Variants in TTLL5 observed in about 807,000 individuals in gnomAD.
TTLL5 encodes the protein tubulin polyglutamylase TTLL5.
Under a neutral mutation model 168.4 loss-of-function variants are expected in TTLL5, and 132 were observed. The observed-to-expected ratio is 0.78, with a 90% CI of 0.68 to 0.91. The LOEUF (loss-of-function observed/expected upper bound fraction) is 0.91, where lower values mean the gene tolerates loss of function less well. Among genes scored for constraint, TTLL5 ranks in the 40% least tolerant of loss-of-function variants. The pLI is 0.00. For synonymous variants in TTLL5, 546 were observed against 558.6 expected (o/e 0.98, Z 0.32); for missense variants, 1,545 against 1,581.5 (o/e 0.98, Z 0.39).
chr14:75,798,079 T>G (rs1479447483), intron 27 of TTLL5, among the ~76,000 whole-genome samples: 1 of 152,124 alleles, frequency 6.6e-6, no homozygotes, highest in Non-Finnish European at 1.5e-5. Flanking sequence ...GGTCCTGGAC[T>G]TCTTTTTATT....
intron 9 of TTLL5, chr14:75,710,130 GTT>G (rs1414947469): frequency 1.3e-5 from 2 of 152,068 alleles, no homozygotes; most frequent in Non-Finnish European, 2.9e-5. Context: ...GTGCTTCACT[GTT>G]TCTCAAGGAC....
chr14:75,667,644 T>C (rs539461063), intron 2 of TTLL5, among the ~76,000 whole-genome samples: 70 of 152,272 alleles, frequency 4.6e-4, no homozygotes, highest in Non-Finnish European at 8.5e-4. Flanking sequence ...TGTTCTTTGC[T>C]TTCTTCACTA....
intron 31 of TTLL5, among the ~76,000 whole-genome samples, chr14:75,933,237 A>G (rs1229712987): frequency 6.6e-6 from 1 of 152,176 alleles, no homozygotes; most frequent in Non-Finnish European, 1.5e-5. Context: ...CGGGAAGATT[A>G]TTTGAGCCCA....
At chr14:75,686,305 T>C (rs1885044013) in intron 5 of TTLL5, among the ~76,000 whole-genome samples, 1 of 152,196 alleles carries the variant, frequency 6.6e-6, no homozygotes, top group African/African-American at 2.4e-5. Context: ...AAGGTGCTAA[T>C]TGCCCCGATT....
intron 31 of TTLL5, among the ~76,000 whole-genome samples, chr14:75,924,053 T>TC (rs1263594886): frequency 1.3e-5 from 2 of 151,648 alleles, no homozygotes; most frequent in African/African-American, 4.8e-5. Flanking sequence ...GCTTTTTTTT[T>TC]TTTTGCTTTC....
chr14:75,772,912 C>A (rs765595437), intron 21 of TTLL5, among the ~76,000 whole-genome samples: 3 of 152,100 alleles, frequency 2.0e-5, no homozygotes, highest in African/African-American at 4.8e-5. Context: ...GGTGATCCAC[C>A]CTCCTTGGCC....
chr14:75,804,902 T>G (rs1417562300), intron 27 of TTLL5, among the ~76,000 whole-genome samples: 6 of 152,202 alleles, frequency 3.9e-5, no homozygotes, highest in African/African-American at 1.4e-4. Context: ...GTCTTGAGGC[T>G]TGAAGCTCTC....
intron 22 of TTLL5, among the ~76,000 whole-genome samples, chr14:75,775,870 G>A (rs565861166): frequency 6.6e-6 from 1 of 152,168 alleles, no homozygotes; most frequent in Non-Finnish European, 1.5e-5. Context: ...CTTATCAAAA[G>A]GCATATTCCT....
chr14:75,707,283 G>T (rs1195384532), intron 8 of TTLL5, among the ~76,000 whole-genome samples, 196 bp downstream of exon 8: 1 of 152,092 alleles, frequency 6.6e-6, no homozygotes, highest in Non-Finnish European at 1.5e-5. Context: ...ATAAGAGAAA[G>T]TGCTTTATAG....
intron 31 of TTLL5, 121 bp downstream of exon 31, chr14:75,902,345 C>A: frequency 9.5e-7 from 1 of 1,047,632 alleles, no homozygotes; most frequent in Non-Finnish European, 1.4e-6. Context: ...TCTAGCCTCT[C>A]AAAACATTGG....
intron 2 of TTLL5, among the ~76,000 whole-genome samples, chr14:75,663,759 C>A (rs1453995898): frequency 6.6e-6 from 1 of 152,068 alleles, no homozygotes; most frequent in Non-Finnish European, 1.5e-5. Context: ...AGTTAAGAGT[C>A]CAATTTCATG....
Position 75,707,659 on chromosome 14 carries a change from C to CT in TTLL5, c.694dup (p.Ser232PhefsTer3). On this transcript the variant is annotated frameshift_variant, in exon 9 of 32. Transcript: ENST00000298832. LOFTEE classifies it high-confidence loss of function. ...GACGTGCGCCTCTATGTGCTCGTGA[C>CT]TTCCTATGATCCTCTTGTCATCTAT... is the stretch of plus-strand genomic sequence containing the variant. 1 of 1,602,110 alleles carries CT rather than the reference C, an allele frequency of 6.2e-7. No homozygotes were observed. Among genetic ancestry groups the CT allele is most frequent in the Non-Finnish European group, 8.5e-7 (1 of 1,173,400 alleles).
intron 28 of TTLL5, among the ~76,000 whole-genome samples, chr14:75,860,908 C>G (rs2029924150): frequency 6.6e-6 from 1 of 152,184 alleles, no homozygotes; most frequent in South Asian, 2.1e-4. Flanking sequence ...TTTACTGTCA[C>G]TCAGCACCCT....
chr14:75,775,292 TAA>T (rs957473254), intron 21 of TTLL5, among the ~76,000 whole-genome samples, 190 bp from the exon 22 acceptor site: 38 of 152,242 alleles, frequency 2.5e-4, no homozygotes, highest in African/African-American at 9.2e-4. Flanking sequence ...GGGAAGGGAA[TAA>T]GTTTCTTTCA....
intron 30 of TTLL5, among the ~76,000 whole-genome samples, chr14:75,885,550 G>T (rs1016115911): frequency 6.6e-6 from 1 of 152,242 alleles, no homozygotes; most frequent in South Asian, 2.1e-4. Context: ...TTGCCATGGG[G>T]CATTTGAGGA....
chr14:75,802,533 A>G (rs553667994), intron 27 of TTLL5, among the ~76,000 whole-genome samples: 1 of 152,378 alleles, frequency 6.6e-6, no homozygotes, highest in South Asian at 2.1e-4. Flanking sequence ...TGCTTAGCCT[A>G]TTAAAACTTT....
chr14:75,784,086 ATATC>A (rs1391488969), intron 26 of TTLL5, among the ~76,000 whole-genome samples: 36 of 152,204 alleles, frequency 2.4e-4, no homozygotes, highest in Non-Finnish European at 2.5e-4. Context: ...GGTTATATAT[ATATC>A]TATCTTCACA....
intron 5 of TTLL5, 150 bp from the exon 6 acceptor site, chr14:75,690,042 G>A (rs1375559944): frequency 2.7e-6 from 2 of 740,310 alleles, no homozygotes; most frequent in Admixed American, 3.9e-5. Context: ...TGATTAATAA[G>A]CCTTTTGGAT....
chr14:75,780,310 G>C (rs1310677276), intron 24 of TTLL5, among the ~76,000 whole-genome samples: 1 of 152,124 alleles, frequency 6.6e-6, no homozygotes, highest in Non-Finnish European at 1.5e-5. Flanking sequence ...TAATATACTT[G>C]GTTCCAAGCC....
Sources: gnomAD v4.1 joint callset for allele counts (sites outside exome capture counted in the v4.1 genomes callset) on GRCh38, gnomAD v4.1.1 for gene constraint, MANE v1.5 for transcripts, NCBI Gene and HGNC (gene_info 2026-07-23, HGNC 2026-07-21) for gene names.